CEP63: variants seen among roughly 807,000 people sequenced by gnomAD.
CEP63 encodes centrosomal protein 63.
Under a neutral mutation model 89.1 loss-of-function variants are expected in CEP63, and 84 were observed. The observed-to-expected ratio is 0.94, with a 90% CI of 0.79 to 1.13. The LOEUF is 1.13. Ranked by LOEUF, CEP63 falls within the 50% of genes most tolerant of loss-of-function variation. CEP63 has a pLI of 0.00. For synonymous variants in CEP63, 267 were observed against 272.5 expected (o/e 0.98, Z 0.20); for missense variants, 838 against 813.3 (o/e 1.03, Z -0.37).
In CEP63 at chr3:134,486,344, C is replaced by T. The variant is rs1051399541; in HGVS notation, c.-26+142C>T. The T allele has an allele frequency of 1.1e-5, 11 of 985,598 alleles. No homozygotes were observed. The African/African-American group carries it at 1.7e-4, about 16-fold the overall frequency. 61.1% of individuals were successfully genotyped at this position (985,598 alleles called of 1,614,324 possible). ...TGATTCTGGCTTCGCGGCCTCATGG[C>T]TTGCGGCCGGTTTGCGCAACGGCCT... On this transcript the variant is annotated intron_variant, in intron 1 of 14. Transcript: ENST00000675561.
the CEP63 span, among the ~76,000 whole-genome samples, chr3:134,624,746 G>A: frequency 1.4e-4 from 22 of 152,210 alleles, no homozygotes; most frequent in Non-Finnish European, 3.1e-4. Flanking sequence ...AATGCCAAAA[G>A]GGGCATGGAG....
At chr3:134,623,916 T>C in the CEP63 span, among the ~76,000 whole-genome samples, 92,885 of 151,908 alleles carry the variant, frequency 0.61, 29,044 homozygotes, top group East Asian at 0.87. Flanking sequence ...CCTCCACCCC[T>C]GCAATATGAT....
chr3:134,614,922 G>A, the CEP63 span, among the ~76,000 whole-genome samples: 1 of 152,122 alleles, frequency 6.6e-6, no homozygotes, highest in Non-Finnish European at 1.5e-5. Context: ...TGAGCCAAGT[G>A]AGGGAAAAAG....
At chr3:134,771,209 C>T in the CEP63 span, among the ~76,000 whole-genome samples, 1 of 152,268 alleles carries the variant, frequency 6.6e-6, no homozygotes, top group Non-Finnish European at 1.5e-5. Context: ...CTTTTCTGTC[C>T]TTTCTCTAGG....
chr3:134,610,091 C>CCTTGGT, the CEP63 span: 9 of 1,284,778 alleles, frequency 7.0e-6, no homozygotes, highest in African/African-American at 8.9e-5. Flanking sequence ...TCCTGGCTCT[C>CCTTGGT]CTTCCCCTCC....
rs199930556 is a variant in CEP63 at position 134,557,376 on chromosome 3, GTTT to G, written c.1468-740_1468-738del. On this transcript the variant is annotated intron_variant, in intron 12 of 14. Coordinates refer to ENST00000675561, the MANE Select transcript of CEP63 (RefSeq NM_001353108.3). Reference sequence around the variant, plus strand: ...CTTGACCAGCTTACTTTCATAATTTGTTTTTTTTTTTTTTTTTTTTTTTTTTTT... The same window carrying G: ...CTTGACCAGCTTACTTTCATAATTTGTTTTTTTTTTTTTTTTTTTTTTTTT... Among the ~76,000 whole-genome samples the G allele has an allele frequency of 1.7e-3, 177 of 101,468 alleles. 3 individuals are homozygous for G. The highest frequency in any genetic ancestry group is 5.2e-3 in the Middle Eastern group (1 of 192). 66.6% of individuals were successfully genotyped at this position (101,468 alleles called of 152,430 possible). A position where few individuals can be genotyped will look rare whatever the true frequency, so the allele number is the denominator to read the frequency against.
the CEP63 span, among the ~76,000 whole-genome samples, chr3:134,695,392 A>G: frequency 6.6e-6 from 1 of 152,256 alleles, no homozygotes; most frequent in Non-Finnish European, 1.5e-5. Flanking sequence ...AAGAGGTGGC[A>G]ACACTCATCA....
At chr3:134,554,018 C>G (rs551002572) in intron 12 of CEP63, among the ~76,000 whole-genome samples, 1 of 152,328 alleles carries the variant, frequency 6.6e-6, no homozygotes, top group East Asian at 1.9e-4. Flanking sequence ...TGATCTTGCT[C>G]TATCCTCAAA....
chr3:134,547,115 G>A (rs968901690), intron 8 of CEP63, among the ~76,000 whole-genome samples: 1 of 152,074 alleles, frequency 6.6e-6, no homozygotes, highest in Admixed American at 6.5e-5. Flanking sequence ...TTGAAAAAAG[G>A]CCAAATCCCA....
intron 1 of CEP63, 27 bp downstream of exon 1, chr3:134,486,229 G>T (rs1874883): frequency 0.67 from 663,042 of 985,164 alleles, 223,760 homozygotes; most frequent in East Asian, 0.81. Context: ...TCAGGGGCGT[G>T]CTTGCGGCAA....
the CEP63 span, among the ~76,000 whole-genome samples, chr3:134,663,806 C>T: frequency 6.6e-6 from 1 of 152,204 alleles, no homozygotes; most frequent in African/African-American, 2.4e-5. Context: ...CTTGGCATGG[C>T]GGGGCTGCCC....
chr3:134,603,571 C>T, the CEP63 span: 2 of 1,564,398 alleles, frequency 1.3e-6, no homozygotes, highest in Admixed American at 1.7e-5. Context: ...AAGACCGGGG[C>T]ACAGCCCTCA....
At chr3:134,779,082 T>G in the CEP63 span, among the ~76,000 whole-genome samples, 10 of 152,242 alleles carry the variant, frequency 6.6e-5, no homozygotes, top group African/African-American at 2.4e-4. Flanking sequence ...ACATTTAATA[T>G]TAGTGAACAT....
the CEP63 span, among the ~76,000 whole-genome samples, chr3:134,758,199 T>C: frequency 2.0e-5 from 3 of 152,184 alleles, no homozygotes; most frequent in Non-Finnish European, 2.9e-5. Flanking sequence ...ACAACTCTGA[T>C]TGTAAGTGCC....
the CEP63 span, among the ~76,000 whole-genome samples, chr3:134,642,831 C>T: frequency 5.3e-5 from 8 of 152,346 alleles, no homozygotes; most frequent in South Asian, 8.3e-4. Context: ...GACTGCCCAG[C>T]TCTGACTCTT....
At chr3:134,715,204 G>A in the CEP63 span, among the ~76,000 whole-genome samples, 2 of 152,160 alleles carry the variant, frequency 1.3e-5, no homozygotes, top group South Asian at 2.1e-4. Flanking sequence ...TACAGAGCCC[G>A]AATCCAGCTG....
At chr3:134,700,609 T>C in the CEP63 span, among the ~76,000 whole-genome samples, 8 of 152,142 alleles carry the variant, frequency 5.3e-5, no homozygotes, top group South Asian at 2.1e-4. Context: ...ATAAGAAGAT[T>C]TATCTTCCTT....
chr3:134,586,395 C>A lies in CEP63; in HGVS notation c.1207-1063C>A, dbSNP rs549144841. ...TCTTGTAAGGCAGGCCTGGTGGTGA[C>A]AAAATCTCTCAGCATTTGCTTGTCT... On this transcript the variant is annotated intron_variant, in intron 10 of 10. Coordinates refer to the CEP63 transcript ENST00000683931. Among the ~76,000 whole-genome samples, 943 of 151,856 alleles carry A rather than the reference C, an allele frequency of 6.2e-3. 33 individuals carry two copies. Among genetic ancestry groups the A allele is most frequent in the Admixed American group, 0.056 (862 of 15,262 alleles).
chr3:134,759,534 T>C, the CEP63 span, among the ~76,000 whole-genome samples: 3 of 152,190 alleles, frequency 2.0e-5, no homozygotes, highest in African/African-American at 7.2e-5. Context: ...CACCTGGATT[T>C]TGAAACTCAA....
Sources: allele counts gnomAD v4.1 joint callset (sites outside exome capture counted in the v4.1 genomes callset), GRCh38; gene constraint gnomAD v4.1.1; transcripts MANE v1.5; gene names NCBI Gene and HGNC (gene_info 2026-07-23, HGNC 2026-07-21).